ARSJ: variants seen among roughly 807,000 people sequenced by gnomAD.
The protein encoded by ARSJ is arylsulfatase J.
A neutral mutation model predicts 35.9 loss-of-function variants in ARSJ; 26 were observed. That is an observed-to-expected ratio of 0.72 (90% CI 0.53 to 1.00). The LOEUF is 1.00. Ranked by LOEUF, ARSJ falls within the 50% of genes least tolerant of loss-of-function variation. The pLI, the probability that ARSJ is intolerant of heterozygous loss-of-function variation, is 0.00. For missense variants in ARSJ, 667 were observed against 723.6 expected, an observed-to-expected ratio of 0.92 and a Z score of 0.90; for synonymous variants, 294 against 267.6, an observed-to-expected ratio of 1.10 and a Z score of -0.96.
intron 1 of ARSJ, chr4:113,943,986 G>A (rs1425932310): frequency 6.6e-6 from 1 of 152,034 alleles, no homozygotes; most frequent in African/African-American, 2.4e-5. Context: ...AAAATTTGGG[G>A]AGAAATGTGA....
intron 1 of ARSJ, among the ~76,000 whole-genome samples, chr4:113,907,355 T>C (rs2099669065): frequency 6.6e-6 from 1 of 152,178 alleles, no homozygotes; most frequent in South Asian, 2.1e-4. Flanking sequence ...CTTCATTGTC[T>C]TTTTTTAAAA....
chr4:113,917,202 G>C (rs557963243), intron 1 of ARSJ, among the ~76,000 whole-genome samples: 1 of 152,126 alleles, frequency 6.6e-6, no homozygotes, highest in East Asian at 1.9e-4. Context: ...GTTTCTTACA[G>C]TGTTGCTTCT....
intron 1 of ARSJ, among the ~76,000 whole-genome samples, chr4:113,943,781 T>C (rs758991690): frequency 2.0e-5 from 3 of 151,814 alleles, no homozygotes; most frequent in Non-Finnish European, 2.9e-5. Context: ...GAAGGAATGA[T>C]AGACATAAGG....
chr4:113,907,286 A>G (rs1202462786), intron 1 of ARSJ, among the ~76,000 whole-genome samples: 1 of 152,224 alleles, frequency 6.6e-6, no homozygotes, highest in Non-Finnish European at 1.5e-5. Flanking sequence ...TGTGATTTGT[A>G]AGCATTTCAA....
intron 1 of ARSJ, among the ~76,000 whole-genome samples, chr4:113,976,912 T>C (rs780947889): frequency 6.6e-6 from 1 of 152,234 alleles, no homozygotes; most frequent in Non-Finnish European, 1.5e-5. Context: ...CTACATATTG[T>C]TTCAGTGCAA....
At chr4:113,949,754 A>G (rs1328258653) in intron 1 of ARSJ, among the ~76,000 whole-genome samples, 1 of 152,082 alleles carries the variant, frequency 6.6e-6, no homozygotes, top group African/African-American at 2.4e-5. Context: ...TATTAGTGTC[A>G]TCTGAATATG....
Position 113,978,659 on chromosome 4 carries a change from A to G in ARSJ, c.176T>C (p.Leu59Pro). ...CTCTAGTTTCTCTCCAGCTTGAGCT[A>G]GTAAGGCCCCTTCTTCCTCCTCTTC... is the stretch of plus-strand genomic sequence containing the variant. ...ALEEEEEGALLAQAGEKLEPS... is the reference protein window; with the variant it reads ...ALEEEEEGALPAQAGEKLEPS... The change falls in exon 1 of 2, where the codon CTA becomes CCA. Residue 59 changes from leucine (L) to proline (P), a missense_variant. Transcript: ENST00000315366. 1 of 1,614,224 alleles carries G rather than the reference A, an allele frequency of 6.2e-7. No homozygotes were observed. The highest frequency in any genetic ancestry group is 1.3e-5 in the African/African-American group (1 of 75,076).
intron 1 of ARSJ, among the ~76,000 whole-genome samples, chr4:113,918,488 A>G (rs1165859224): frequency 6.6e-5 from 10 of 152,122 alleles, no homozygotes; most frequent in Admixed American, 6.6e-4. Flanking sequence ...AGATAAGCAA[A>G]AGCTGTTTGG....
chr4:113,952,464 C>T (rs1461478459), intron 1 of ARSJ, among the ~76,000 whole-genome samples: 1 of 152,070 alleles, frequency 6.6e-6, no homozygotes, highest in East Asian at 1.9e-4. Flanking sequence ...TCAATGAATG[C>T]TTTAAAATAT....
intron 1 of ARSJ, among the ~76,000 whole-genome samples, chr4:113,914,030 A>G (rs1472470782): frequency 5.3e-5 from 8 of 151,868 alleles, no homozygotes; most frequent in Admixed American, 3.9e-4. Flanking sequence ...CTGGAGTGCA[A>G]TAGTGCGGTC....
chr4:113,916,734 C>A (rs1018777109), intron 1 of ARSJ, among the ~76,000 whole-genome samples: 21 of 152,268 alleles, frequency 1.4e-4, no homozygotes, highest in Non-Finnish European at 2.5e-4. Flanking sequence ...TGAAGTTCAA[C>A]CCATGGAGTT....
chr4:113,913,626 A>C (rs1228921266), intron 1 of ARSJ, among the ~76,000 whole-genome samples: 1 of 152,192 alleles, frequency 6.6e-6, no homozygotes. Context: ...AAAATTATCT[A>C]ATTTATAGAG....
chr4:113,902,796 G>A lies in ARSJ; in HGVS notation c.1278C>T (p.Tyr426=), dbSNP rs1185899189. The part of the protein sequence containing the change: ...VDILHNIDPI[Y]TKAKNGSWAA... Reference sequence around the variant, plus strand: ...CCCAGGAGCCATTTTTTGCCTTGGTGTATATGGGGTCAATGTTATGCAAAA... The same window carrying A: ...CCCAGGAGCCATTTTTTGCCTTGGTATATATGGGGTCAATGTTATGCAAAA... Residue 426 remains tyrosine (Y), a synonymous_variant, in exon 2 of 2, where the codon TAC becomes TAT. Coordinates refer to ENST00000315366, the MANE Select transcript of ARSJ (RefSeq NM_024590.4). 2 of 1,614,024 alleles carry A rather than the reference G, an allele frequency of 1.2e-6. No individual in the cohort carries two copies. The highest frequency in any genetic ancestry group is 1.7e-6 in the Non-Finnish European group (2 of 1,180,022).
intron 1 of ARSJ, among the ~76,000 whole-genome samples, chr4:113,958,000 T>C (rs966662735): frequency 6.6e-6 from 1 of 152,082 alleles, no homozygotes; most frequent in Non-Finnish European, 1.5e-5. Context: ...CATAAACAAG[T>C]GCAGCAAATC....
intron 1 of ARSJ, among the ~76,000 whole-genome samples, chr4:113,957,986 G>A (rs1171910893): frequency 6.6e-6 from 1 of 152,092 alleles, no homozygotes. Context: ...TTCATATTGA[G>A]TGACATAAAC....
Position 113,903,124 on chromosome 4 carries a change from T to C in ARSJ, c.950A>G (p.Tyr317Cys), listed in dbSNP as rs1205199249. The C allele has an allele frequency of 3.7e-6, 6 of 1,614,220 alleles. No individual in the cohort carries two copies. Among genetic ancestry groups the C allele is most frequent in the African/African-American group, 1.3e-5 (1 of 75,068 alleles). ...VTLALKTYGF[Y>C]NNSIIIYSSD... is the part of the protein sequence containing the mutation. ...AGAGTAAATGATAATGCTGTTGTTA[T>C]AGAAACCATAAGTCTTTAGAGCCAA... The change falls in exon 2 of 2, where the codon TAT (tyrosine) becomes TGT (cysteine). Residue 317 changes from tyrosine (Y) to cysteine (C), a missense_variant. By Grantham distance (194) the Tyr-to-Cys change is radical. Coordinates refer to ENST00000315366, the MANE Select transcript of ARSJ (RefSeq NM_024590.4).
chr4:113,954,917 T>C (rs183151100), intron 1 of ARSJ, among the ~76,000 whole-genome samples: 38 of 152,234 alleles, frequency 2.5e-4, no homozygotes, highest in African/African-American at 8.9e-4. Context: ...TCTTGTCTTA[T>C]TTTGGTTTGG....
At chr4:113,935,631 T>C (rs1468450968) in intron 1 of ARSJ, among the ~76,000 whole-genome samples, 1 of 151,902 alleles carries the variant, frequency 6.6e-6, no homozygotes, top group Non-Finnish European at 1.5e-5. Flanking sequence ...AATAAAGTTA[T>C]CACTTAAAAG....
intron 1 of ARSJ, among the ~76,000 whole-genome samples, chr4:113,948,860 T>C (rs1725671974): frequency 6.6e-6 from 1 of 152,142 alleles, no homozygotes; most frequent in African/African-American, 2.4e-5. Flanking sequence ...TTGCAACAGA[T>C]GCTCAAAGAG....
Sources: allele counts gnomAD v4.1 joint callset (sites outside exome capture counted in the v4.1 genomes callset), GRCh38; gene constraint gnomAD v4.1.1; transcripts MANE v1.5; gene names NCBI Gene and HGNC (gene_info 2026-07-23, HGNC 2026-07-21).